The following LRRC4C variants were observed in gnomAD, a reference collection of about 807,000 sequenced individuals.
LRRC4C encodes leucine-rich repeat-containing protein 4C.
LRRC4C carries 5 observed loss-of-function variants against 33.6 expected under a neutral mutation model. That is an observed-to-expected ratio of 0.15 (90% CI 0.08 to 0.31). The LOEUF is 0.31. Among genes scored for constraint, LRRC4C ranks in the 10% least tolerant of loss-of-function variants. The pLI is 1.00. For synonymous variants in LRRC4C, 329 were observed against 302.0 expected (o/e 1.09, Z -0.93); for missense variants, 560 against 796.7 (o/e 0.70, Z 3.58).
intron 3 of LRRC4C, among the ~76,000 whole-genome samples, chr11:40,531,484 GA>G (rs768326614): frequency 6.6e-6 from 1 of 151,514 alleles, no homozygotes; most frequent in Non-Finnish European, 1.5e-5. Context: ...ACAGATAGAA[GA>G]AAAAAAAGAA....
intron 2 of LRRC4C, among the ~76,000 whole-genome samples, chr11:40,785,463 C>T (rs1019127802): frequency 1.3e-5 from 2 of 152,224 alleles, no homozygotes; most frequent in Non-Finnish European, 2.9e-5. Flanking sequence ...TCTAAAATGG[C>T]ATCTCTTGGT....
rs571058507 is a variant in LRRC4C, at chr11:40,264,562, C to T, written c.-175-22964G>A. On this transcript the variant is annotated intron_variant, in intron 4 of 6. Transcript: ENST00000528697. Reference sequence around the variant, plus strand: ...GTTAGATAAAAAGGACTTGCATCCTCTGAACCATAATTTTTTTCTGTGCCG... The same window carrying T: ...GTTAGATAAAAAGGACTTGCATCCTTTGAACCATAATTTTTTTCTGTGCCG... Among the ~76,000 whole-genome samples, 30 of 152,294 alleles carry T rather than the reference C, an allele frequency of 2.0e-4. No individual in the cohort carries two copies. In the South Asian group the frequency reaches 5.6e-3, roughly 28 times the overall value.
chr11:40,222,359 C>T (rs1299516019), intron 5 of LRRC4C, among the ~76,000 whole-genome samples: 2 of 152,160 alleles, frequency 1.3e-5, no homozygotes, highest in African/African-American at 4.8e-5. Flanking sequence ...TGCCCTGGCA[C>T]ATTAAAAATA....
At chr11:40,538,772 T>C (rs982966894) in intron 3 of LRRC4C, among the ~76,000 whole-genome samples, 4 of 152,202 alleles carry the variant, frequency 2.6e-5, no homozygotes, top group Admixed American at 2.6e-4. Context: ...AGTGTAAAAG[T>C]GTTCCTATTT....
chr11:41,387,915 A>C (rs1410888072), intron 1 of LRRC4C, among the ~76,000 whole-genome samples: 1 of 151,818 alleles, frequency 6.6e-6, no homozygotes, highest in East Asian at 1.9e-4. Context: ...GCAAGATTTG[A>C]CACATTTAGT....
chr11:41,022,552 T>G (rs1398484069), intron 1 of LRRC4C, among the ~76,000 whole-genome samples: 2 of 151,630 alleles, frequency 1.3e-5, no homozygotes, highest in African/African-American at 2.4e-5. Context: ...TACATCAGGG[T>G]GTTAGGTCAT....
intron 1 of LRRC4C, among the ~76,000 whole-genome samples, chr11:40,987,004 T>C (rs879133603): frequency 6.6e-6 from 1 of 152,198 alleles, no homozygotes; most frequent in Non-Finnish European, 1.5e-5. Flanking sequence ...GGGTGCCAGT[T>C]CTTCCCTGGG....
intron 1 of LRRC4C, among the ~76,000 whole-genome samples, chr11:41,305,926 T>A (rs377370701): frequency 0.075 from 4,233 of 56,274 alleles, 198 homozygotes; most frequent in African/African-American, 0.14. Context: ...AAAAAAATAA[T>A]AAAATAAAAT....
intron 2 of LRRC4C, among the ~76,000 whole-genome samples, chr11:40,824,900 C>G (rs527795891): frequency 6.6e-6 from 1 of 151,848 alleles, no homozygotes. Flanking sequence ...TATAAAAATG[C>G]GGCTGTCACT....
intron 2 of LRRC4C, among the ~76,000 whole-genome samples, chr11:40,839,314 A>C (rs1427497674): frequency 2.0e-5 from 3 of 152,086 alleles, no homozygotes; most frequent in Non-Finnish European, 4.4e-5. Context: ...GGCTTACTGC[A>C]ACCTCCGCCT....
intron 4 of LRRC4C, among the ~76,000 whole-genome samples, chr11:40,256,738 T>G (rs1867237336): frequency 6.6e-6 from 1 of 152,186 alleles, no homozygotes; most frequent in African/African-American, 2.4e-5. Context: ...TACCTGCAGA[T>G]GTAGAATCTT....
chr11:41,432,920 G>A (rs931336450), intron 1 of LRRC4C, among the ~76,000 whole-genome samples: 1 of 152,134 alleles, frequency 6.6e-6, no homozygotes, highest in Admixed American at 6.5e-5. Flanking sequence ...TTGATACTTT[G>A]AATTAGAGAC....
chr11:40,415,140 G>T (rs180831329), intron 3 of LRRC4C, among the ~76,000 whole-genome samples: 1 of 152,216 alleles, frequency 6.6e-6, no homozygotes, highest in East Asian at 1.9e-4. Context: ...GCCGTTTGTG[G>T]CTTAATTATG....
intron 3 of LRRC4C, among the ~76,000 whole-genome samples, chr11:40,455,205 A>G (rs79291781): frequency 0.011 from 1,738 of 152,294 alleles, 42 homozygotes; most frequent in African/African-American, 0.039. Flanking sequence ...TGAAGCCCAT[A>G]TTTAACAACA....
At chr11:40,602,715 T>C (rs1165689884) in intron 3 of LRRC4C, among the ~76,000 whole-genome samples, 3 of 152,336 alleles carry the variant, frequency 2.0e-5, no homozygotes, top group Non-Finnish European at 2.9e-5. Context: ...CTGGATCTTA[T>C]AACAATTACA....
chr11:40,598,316 AT>A (rs1959584844), intron 3 of LRRC4C, among the ~76,000 whole-genome samples: 1 of 152,192 alleles, frequency 6.6e-6, no homozygotes, highest in Non-Finnish European at 1.5e-5. Flanking sequence ...CTCAAAACTG[AT>A]TCTGTTCCTA....
intron 3 of LRRC4C, among the ~76,000 whole-genome samples, chr11:40,512,838 A>G (rs1955385573): frequency 6.6e-6 from 1 of 152,250 alleles, no homozygotes; most frequent in Admixed American, 6.5e-5. Flanking sequence ...ATCAGCTACC[A>G]CACTGCAGTA....
At chr11:41,388,623 C>T (rs1387916917) in intron 1 of LRRC4C, among the ~76,000 whole-genome samples, 1 of 151,824 alleles carries the variant, frequency 6.6e-6, no homozygotes, top group South Asian at 2.1e-4. Context: ...GCTAGGAAGG[C>T]ATTTGGTAAA....
chr11:41,349,044 G>A (rs1270720691), intron 1 of LRRC4C, among the ~76,000 whole-genome samples: 1 of 152,164 alleles, frequency 6.6e-6, no homozygotes, highest in Non-Finnish European at 1.5e-5. Context: ...CCTGGACAGA[G>A]TAGGGCTGTC....
Sources: gnomAD v4.1 joint callset for allele counts (sites outside exome capture counted in the v4.1 genomes callset) on GRCh38, gnomAD v4.1.1 for gene constraint, MANE v1.5 for transcripts, NCBI Gene and HGNC (gene_info 2026-07-23, HGNC 2026-07-21) for gene names.